Variants in RASA2 observed in about 807,000 individuals in gnomAD.
RASA2 encodes the protein RAS p21 protein activator 2, also known as ras GTPase-activating protein 2.
Under a neutral mutation model 118.2 loss-of-function variants are expected in RASA2, and 155 were observed. The ratio of observed to expected loss-of-function variants is 1.31; its 90% CI spans 1.15 to 1.50. RASA2 has a LOEUF of 1.50. RASA2 is among the 40% of genes most tolerant of loss of function. RASA2 has a pLI of 0.00. For synonymous variants in RASA2, 353 were observed against 349.1 expected (o/e 1.01, Z -0.12); for missense variants, 1,016 against 1,009.6 (o/e 1.01, Z -0.09).
At chr3:141,547,946 T>C (rs1158088548) in intron 5 of RASA2, among the ~76,000 whole-genome samples, 2 of 152,214 alleles carry the variant, frequency 1.3e-5, no homozygotes, top group African/African-American at 4.8e-5. Flanking sequence ...AATGATCATA[T>C]GGTTCTTGCC....
Position 141,555,852 on chromosome 3 carries a change from G to A in RASA2, c.624G>A (p.Lys208=), listed in dbSNP as rs754996211. Residue 208 remains lysine, a synonymous_variant, in exon 7 of 24, where the codon AAG becomes AAA. Coordinates refer to ENST00000286364, the MANE Select transcript of RASA2 (RefSeq NM_006506.5). ...SLVGPSRNDQ[K]KTKVKKKTSN... ...CACATTGGAACAGGAATGACCAAAA[G>A]AAGACAAAAGTAAAGAAGAAAACAA... 1.9e-6 allele frequency: 3 copies of A among 1,612,160 alleles called. No individual in the cohort carries two copies. The highest frequency in any genetic ancestry group is 2.5e-6 in the Non-Finnish European group (3 of 1,178,926).
intron 9 of RASA2, among the ~76,000 whole-genome samples, chr3:141,569,200 T>C (rs2082872072): frequency 6.6e-6 from 1 of 152,190 alleles, no homozygotes; most frequent in Admixed American, 6.5e-5. Flanking sequence ...TGGATGTTTT[T>C]AGATATTTTG....
intron 14 of RASA2, among the ~76,000 whole-genome samples, chr3:141,574,580 A>G (rs1469449780): frequency 1.3e-5 from 2 of 152,224 alleles, no homozygotes. Context: ...CTCAAAATAC[A>G]TATTCCATTT....
chr3:141,502,384 C>G (rs2081796915), intron 1 of RASA2, among the ~76,000 whole-genome samples: 1 of 152,120 alleles, frequency 6.6e-6, no homozygotes, highest in Non-Finnish European at 1.5e-5. Context: ...CCCTTGTTGC[C>G]TACTGAATAA....
Position 141,573,950 on chromosome 3 carries a change from C to G in RASA2, c.1366C>G (p.Leu456Val). The G allele has an allele frequency of 1.3e-6, 2 of 1,579,600 alleles. No homozygotes were observed. The highest frequency in any genetic ancestry group is 1.7e-6 in the Non-Finnish European group (2 of 1,160,904). Residue 456 changes from leucine (L) to valine (V), a missense_variant, in exon 14 of 24, where the codon CTG becomes GTG. By Grantham distance (32) the Leu-to-Val change is conservative (BLOSUM62 1). This residue lies in a region of RASA2 where 896 missense variants were observed against 836.4 expected (regional missense o/e 1.07). Coordinates refer to ENST00000286364, the MANE Select transcript of RASA2 (RefSeq NM_006506.5). ...ACCTTTTTAAATCCTGCAGGAGAAT[C>G]TGCGCTACTATGTAGACAAGTTATT... Reference protein sequence around the residue: ...GDNVENNKENLRYYVDKLFNT... With the variant: ...GDNVENNKENVRYYVDKLFNT...
intron 9 of RASA2, among the ~76,000 whole-genome samples, chr3:141,565,515 C>T (rs992743731): frequency 2.6e-5 from 4 of 152,146 alleles, no homozygotes; most frequent in South Asian, 2.1e-4. Context: ...ATTGAATCAT[C>T]GGGTGGTTTC....
At chr3:141,527,856 C>A (rs1199059802) in intron 3 of RASA2, among the ~76,000 whole-genome samples, 1 of 151,824 alleles carries the variant, frequency 6.6e-6, no homozygotes, top group South Asian at 2.1e-4. Flanking sequence ...ATAAGAATTT[C>A]TGTTTTCCCA....
At chr3:141,550,262 A>G (rs1284956296) in intron 5 of RASA2, among the ~76,000 whole-genome samples, 1 of 152,236 alleles carries the variant, frequency 6.6e-6, no homozygotes, top group Non-Finnish European at 1.5e-5. Context: ...AGTACTTCCC[A>G]ATAGGATGCA....
intron 7 of RASA2, among the ~76,000 whole-genome samples, chr3:141,556,189 A>G: frequency 6.6e-6 from 1 of 151,994 alleles, no homozygotes. Context: ...ACCCTCCCTT[A>G]CCCTACCCAG....
intron 18 of RASA2, among the ~76,000 whole-genome samples, 179 bp from the exon 19 acceptor site, chr3:141,586,467 A>T (rs1233490629): frequency 6.6e-6 from 1 of 152,086 alleles, no homozygotes; most frequent in Non-Finnish European, 1.5e-5. Flanking sequence ...TTAATTAAAG[A>T]CCTTATTCCT....
At chr3:141,608,752 A>T in intron 21 of RASA2, 55 bp downstream of exon 21, 1 of 1,510,878 alleles carries the variant, frequency 6.6e-7, no homozygotes, top group Admixed American at 1.7e-5. Flanking sequence ...ATATCCATGC[A>T]ATGTTAATAT....
chr3:141,597,137 A>G (rs2107788759), intron 19 of RASA2, among the ~76,000 whole-genome samples: 1 of 152,308 alleles, frequency 6.6e-6, no homozygotes, highest in Non-Finnish European at 1.5e-5. Flanking sequence ...GTGGTGGCTC[A>G]CATCTGAAAT....
intron 19 of RASA2, among the ~76,000 whole-genome samples, chr3:141,601,162 T>C (rs544759266): frequency 1.3e-5 from 2 of 152,284 alleles, no homozygotes; most frequent in South Asian, 4.1e-4. Flanking sequence ...GCACAGTGGC[T>C]CACACCTGTA....
At chr3:141,531,576 A>G (rs946949441) in intron 4 of RASA2, among the ~76,000 whole-genome samples, 1 of 151,908 alleles carries the variant, frequency 6.6e-6, no homozygotes, top group Non-Finnish European at 1.5e-5. Context: ...TACACATTTG[A>G]GAGATATATA....
intron 19 of RASA2, among the ~76,000 whole-genome samples, chr3:141,607,015 G>C (rs1243067256): frequency 6.6e-6 from 1 of 152,092 alleles, no homozygotes; most frequent in Non-Finnish European, 1.5e-5. Context: ...ATATTCTTAT[G>C]CCATGTTATT....
chr3:141,568,495 G>A (rs1379666133), intron 9 of RASA2, among the ~76,000 whole-genome samples: 4 of 151,832 alleles, frequency 2.6e-5, no homozygotes, highest in Non-Finnish European at 5.9e-5. Context: ...AAAAAGATAA[G>A]AGAAAAACAA....
At chr3:141,503,678 A>G (rs577359236) in intron 1 of RASA2, among the ~76,000 whole-genome samples, 5 of 152,086 alleles carry the variant, frequency 3.3e-5, no homozygotes, top group African/African-American at 1.2e-4. Flanking sequence ...TAGGCCATAC[A>G]TTTTTACTTA....
intron 3 of RASA2, 51 bp downstream of exon 3, chr3:141,516,482 A>G: frequency 7.9e-7 from 1 of 1,270,416 alleles, no homozygotes. Flanking sequence ...GTTTATATTC[A>G]TTCGTTCTCT....
At chr3:141,536,371 C>G (rs774058877) in intron 4 of RASA2, among the ~76,000 whole-genome samples, 1 of 152,116 alleles carries the variant, frequency 6.6e-6, no homozygotes, top group Non-Finnish European at 1.5e-5. Flanking sequence ...GACCTCCCCC[C>G]GGGTTCCTCC....
Sources: allele counts gnomAD v4.1 joint callset (sites outside exome capture counted in the v4.1 genomes callset), GRCh38; gene constraint gnomAD v4.1.1; regional missense constraint gnomAD v4.1.1; transcripts MANE v1.5; gene names NCBI Gene and HGNC (gene_info 2026-07-23, HGNC 2026-07-21).